MON2: variants seen among roughly 807,000 people sequenced by gnomAD.
MON2 encodes MON2 regulator of endosome-to-Golgi trafficking, also known as protein MON2 homolog.
In MON2, 84 loss-of-function variants were observed where a neutral mutation model predicts 208.6. The observed-to-expected ratio is 0.40, with a 90% CI of 0.34 to 0.48. MON2 has a LOEUF of 0.48. Among genes scored for constraint, MON2 ranks in the 20% least tolerant of loss-of-function variants. The probability of loss-of-function intolerance (pLI) is 0.59; values close to 1 mark genes in which losing one functional copy is unlikely to be tolerated. For missense variants in MON2, 1,611 were observed against 2,015.4 expected (o/e 0.80, Z 3.84); for synonymous variants, 660 against 694.0 (o/e 0.95, Z 0.77).
chr12:62,570,337 A>G lies in MON2; in HGVS notation c.4324-1055A>G, dbSNP rs574181803. ...TGGAGAAGGAAAAAAGTACACAAAAATAGAAGTAAAAAAGTACACAAAAAT... is the reference window on the plus strand; with the variant it reads ...TGGAGAAGGAAAAAAGTACACAAAAGTAGAAGTAAAAAAGTACACAAAAAT... On this transcript the variant is annotated intron_variant, in intron 29 of 34. Coordinates refer to ENST00000393630, the MANE Select transcript of MON2 (RefSeq NM_015026.3). 8.5e-4 allele frequency among the ~76,000 whole-genome samples: 129 copies of G among 152,342 alleles called. 2 individuals carry two copies. In the South Asian group the frequency reaches 0.026, roughly 31 times the overall value.
rs1428805436 is a variant in MON2, at chr12:62,597,538, A to C, written c.*4789A>C. The C allele has an allele frequency of 6.6e-6, 1 of 152,112 alleles. No homozygotes were observed. Among genetic ancestry groups the C allele is most frequent in the Non-Finnish European group, 1.5e-5 (1 of 68,000 alleles). 9.4% of individuals were successfully genotyped at this position (152,112 alleles called of 1,614,324 possible). A position where few individuals can be genotyped will look rare whatever the true frequency, so the allele number is the denominator to read the frequency against. ...CAAGTTAAAGTAATATGTTCCAAAAACTGGAAGTGCCATAAAAAACTAAAA... is the reference window on the plus strand; with the variant it reads ...CAAGTTAAAGTAATATGTTCCAAAACCTGGAAGTGCCATAAAAAACTAAAA... On this transcript the variant is annotated 3_prime_UTR_variant, in exon 35 of 35. Coordinates refer to ENST00000393630, the MANE Select transcript of MON2 (RefSeq NM_015026.3).
intron 8 of MON2, among the ~76,000 whole-genome samples, chr12:62,512,599 G>A (rs981439110): frequency 6.6e-6 from 1 of 152,156 alleles, no homozygotes; most frequent in African/African-American, 2.4e-5. Context: ...GTGCTTTCAT[G>A]GCCTGCTGTT....
At chr12:62,522,383 A>G (rs2072091687) in intron 8 of MON2, among the ~76,000 whole-genome samples, 1 of 152,234 alleles carries the variant, frequency 6.6e-6, no homozygotes, top group African/African-American at 2.4e-5. Context: ...CCTGACAAAT[A>G]GACTCCTACA....
intron 5 of MON2, among the ~76,000 whole-genome samples, chr12:62,499,540 G>A (rs2070722469): frequency 6.6e-6 from 1 of 151,966 alleles, no homozygotes; most frequent in Non-Finnish European, 1.5e-5. Context: ...ATTTTTGTCT[G>A]TATCTGCTAA....
chr12:62,584,978 A>G (rs2136479125), intron 32 of MON2, among the ~76,000 whole-genome samples: 2 of 151,902 alleles, frequency 1.3e-5, no homozygotes, highest in Middle Eastern at 6.8e-3. Flanking sequence ...GTATAGAAAG[A>G]CCAAATCAAG....
chr12:62,535,428 T>C, intron 13 of MON2, 97 bp from the exon 14 acceptor site: 2 of 932,132 alleles, frequency 2.1e-6, no homozygotes, highest in Non-Finnish European at 1.5e-6. Context: ...TTTGTATAGA[T>C]TTTCTTAAAA....
chr12:62,534,117 A>G (rs2072787631), intron 12 of MON2, among the ~76,000 whole-genome samples: 1 of 152,156 alleles, frequency 6.6e-6, no homozygotes, highest in Non-Finnish European at 1.5e-5. Context: ...TCAGCTGGGC[A>G]TAGTGGCATG....
intron 33 of MON2, among the ~76,000 whole-genome samples, chr12:62,586,886 T>G (rs2136491131): frequency 6.6e-6 from 1 of 152,324 alleles, no homozygotes; most frequent in African/African-American, 2.4e-5. Context: ...TGAGCCTTAT[T>G]TATAATTGTC....
chr12:62,592,803 A>G lies in MON2; in HGVS notation c.*54A>G, dbSNP rs2075439847. 4 of 1,473,904 alleles carry G rather than the reference A, an allele frequency of 2.7e-6. No homozygotes were observed. The highest frequency in any genetic ancestry group is 1.4e-5 in the African/African-American group (1 of 72,122). The allele number at this position is 1,473,904 out of a possible 1,614,324, so 91.3% of individuals were successfully genotyped here. On this transcript the variant is annotated 3_prime_UTR_variant, in exon 35 of 35. Transcript: ENST00000393630. The stretch of plus-strand genomic sequence containing the variant: ...GATAGTCTAAAAAATGTTTGCTCCT[A>G]ATTGAGTCTTCTGTGAGAAGGACAT...
intron 32 of MON2, among the ~76,000 whole-genome samples, chr12:62,582,195 G>A (rs1413501875): frequency 6.6e-6 from 1 of 152,154 alleles, no homozygotes; most frequent in African/African-American, 2.4e-5. Context: ...AGGTATAAAT[G>A]TCCAAAGTTA....
At chr12:62,592,561 G>C (rs2075430778) in intron 34 of MON2, 25 bp from the exon 35 acceptor site, 1 of 1,546,526 alleles carries the variant, frequency 6.5e-7, no homozygotes, top group Admixed American at 1.7e-5. Context: ...CCACCCTTTT[G>C]AGGTTTTATA....
At position 62,524,495 on chromosome 12, in the gene MON2, T is replaced by A; in HGVS notation, c.985-20T>A. The stretch of plus-strand genomic sequence containing the variant: ...TCTCTTTGATTCAAAGAAATAGTAT[T>A]AAAAATCATATATTTTTAGGTAACT... On this transcript the variant is annotated intron_variant, in intron 8 of 34. Transcript: ENST00000393630. 1 of 1,579,604 alleles carries A rather than the reference T, an allele frequency of 6.3e-7. No homozygotes were observed. Among genetic ancestry groups the A allele is most frequent in the Non-Finnish European group, 8.7e-7 (1 of 1,150,960 alleles).
intron 2 of MON2, among the ~76,000 whole-genome samples, chr12:62,489,264 G>A (rs2069973014): frequency 6.6e-6 from 1 of 151,894 alleles, no homozygotes; most frequent in Non-Finnish European, 1.5e-5. Flanking sequence ...CTCCTTGCCA[G>A]GATTATTATT....
chr12:62,467,148 A>T lies in MON2; in HGVS notation c.-60A>T, dbSNP rs1405773533. The T allele has an allele frequency of 7.0e-7, 1 of 1,424,404 alleles. No individual in the cohort carries two copies. The highest frequency in any genetic ancestry group is 1.4e-5 in the African/African-American group (1 of 71,542). 88.2% of individuals were successfully genotyped at this position (1,424,404 alleles called of 1,614,324 possible). On this transcript the variant is annotated 5_prime_UTR_variant, in exon 1 of 35. Transcript: ENST00000393630. ...GAGGGAGCTGCCTGTGGCCCTAAGG[A>T]GCTGACCGTGCCAGAGCTTGTTTGT...
Position 62,556,094 on chromosome 12 carries a change from G to T in MON2, c.3311G>T (p.Arg1104Met). The T allele has an allele frequency of 1.2e-6, 2 of 1,613,922 alleles. No individual in the cohort carries two copies. Among genetic ancestry groups the T allele is most frequent in the Non-Finnish European group, 1.7e-6 (2 of 1,179,970 alleles). Residue 1104 changes from arginine to methionine, a missense_variant, in exon 25 of 35, where the codon AGG becomes ATG. By Grantham distance (91) the Arg-to-Met change is moderately conservative (BLOSUM62 -1). Coordinates refer to ENST00000393630, the MANE Select transcript of MON2 (RefSeq NM_015026.3). Reference sequence around the variant, plus strand: ...GGCAATATTCTCATTCATCATTCAAGGGACACCGCCGAGAAGCAATGGGCT... The same window carrying T: ...GGCAATATTCTCATTCATCATTCAATGGACACCGCCGAGAAGCAATGGGCT... ...GGGNILIHHSRDTAEKQWAET... is the reference protein window; with the variant it reads ...GGGNILIHHSMDTAEKQWAET...
At position 62,552,878 on chromosome 12, in the gene MON2, T is replaced by A; in HGVS notation, c.2917-3T>A. Reference sequence around the variant, plus strand: ...ACTAATATTTTTCTACTTTGCTTTTTAGTGGAATATTTCAGATTATTTTTT... The same window carrying A: ...ACTAATATTTTTCTACTTTGCTTTTAAGTGGAATATTTCAGATTATTTTTT... On this transcript the variant is annotated splice_polypyrimidine_tract_variant and splice_region_variant and intron_variant, in intron 23 of 34. Coordinates refer to ENST00000393630, the MANE Select transcript of MON2 (RefSeq NM_015026.3). 2.5e-6 allele frequency: 4 copies of A among 1,607,708 alleles called. No individual in the cohort carries two copies. Among genetic ancestry groups the A allele is most frequent in the Non-Finnish European group, 3.4e-6 (4 of 1,175,312 alleles).
intron 7 of MON2, among the ~76,000 whole-genome samples, chr12:62,505,396 A>G (rs1190691721): frequency 6.6e-6 from 1 of 152,214 alleles, no homozygotes; most frequent in Non-Finnish European, 1.5e-5. Flanking sequence ...AAGAACCTAG[A>G]GTACAAAGCA....
rs972860080 is a variant in MON2, at chr12:62,592,827, A to G, written c.*78A>G. The G allele has an allele frequency of 7.3e-7, 1 of 1,363,838 alleles. No individual in the cohort carries two copies. The highest frequency in any genetic ancestry group is 9.9e-7 in the Non-Finnish European group (1 of 1,007,780). 84.5% of individuals were successfully genotyped at this position (1,363,838 alleles called of 1,614,324 possible). A position where few individuals can be genotyped will look rare whatever the true frequency, so the allele number is the denominator to read the frequency against. ...TAATTGAGTCTTCTGTGAGAAGGAC[A>G]TTTCTTACTGCAGATAATTCTTGGC... On this transcript the variant is annotated 3_prime_UTR_variant, in exon 35 of 35. Coordinates refer to ENST00000393630, the MANE Select transcript of MON2 (RefSeq NM_015026.3).
intron 32 of MON2, among the ~76,000 whole-genome samples, chr12:62,583,799 A>T (rs1228792756): frequency 6.6e-6 from 1 of 151,106 alleles, no homozygotes; most frequent in African/African-American, 2.4e-5. Flanking sequence ...AAAAAAAAAA[A>T]AAATACAAAA....
Sources: gnomAD v4.1 joint callset for allele counts (sites outside exome capture counted in the v4.1 genomes callset) on GRCh38, gnomAD v4.1.1 for gene constraint, MANE v1.5 for transcripts, NCBI Gene and HGNC (gene_info 2026-07-23, HGNC 2026-07-21) for gene names.